Variants in APBB1 observed in about 807,000 individuals in gnomAD.
APBB1 encodes the protein adaptor protein FE65a2.
Under a neutral mutation model 78.4 loss-of-function variants are expected in APBB1, and 22 were observed. The ratio of observed to expected loss-of-function variants is 0.28; its 90% CI spans 0.20 to 0.40. The LOEUF is 0.40. APBB1 is among the 10% of genes least tolerant of loss of function. The pLI is 1.00. For synonymous variants in APBB1, 369 were observed against 372.7 expected (o/e 0.99, Z 0.12); for missense variants, 749 against 932.4 (o/e 0.80, Z 2.56).
intron 12 of APBB1, among the ~76,000 whole-genome samples, chr11:6,400,537 T>C (rs944153128): frequency 5.6e-4 from 34 of 60,384 alleles, no homozygotes; most frequent in African/African-American, 1.9e-3. Flanking sequence ...GCGAGACTTG[T>C]CTTTAAAAAA....
chr11:6,396,251 G>C, intron 12 of APBB1, 36 bp from the exon 13 acceptor site: 1 of 1,503,788 alleles, frequency 6.6e-7, no homozygotes, highest in Non-Finnish European at 9.0e-7. Flanking sequence ...ACTGAGGGTA[G>C]ACAGAGGATA....
chr11:6,410,727 G>A lies in APBB1; in HGVS notation c.621C>T (p.Ser207=), dbSNP rs1386761883. 1 of 1,561,474 alleles carries A rather than the reference G, an allele frequency of 6.4e-7. No individual in the cohort carries two copies. The highest frequency in any genetic ancestry group is 1.2e-5 in the South Asian group (1 of 81,576). ...DGPREHSKSA[S]LLFGMRNSAA... is the part of the protein sequence containing the mutation. ...CACTGTTCCGCATGCCAAACAGGAG[G>A]CTGGCACTCTTGCTGTGTTCCCGGG... The change falls in exon 2 of 15, where the codon AGC becomes AGT. Residue 207 remains serine (S), a synonymous_variant. Transcript: ENST00000609360.
At chr11:6,416,321 C>T (rs1849115824) in intron 1 of APBB1, among the ~76,000 whole-genome samples, 1 of 152,104 alleles carries the variant, frequency 6.6e-6, no homozygotes, top group Non-Finnish European at 1.5e-5. Context: ...ATTCTCATGC[C>T]CCTTCCTCTT....
chr11:6,400,704 A>G (rs769480277), intron 12 of APBB1, among the ~76,000 whole-genome samples: 12 of 152,104 alleles, frequency 7.9e-5, no homozygotes, highest in Non-Finnish European at 1.8e-4. Flanking sequence ...CAGCCTCCCA[A>G]TCCCACCAAA....
upstream of APBB1, chr11:6,419,370 T>C (rs1467308645): frequency 5.2e-6 from 1 of 191,902 alleles, no homozygotes; most frequent in Admixed American, 6.1e-5. Context: ...AGCGCCCTGG[T>C]CCCGCACCCA....
chr11:6,407,745 G>A (rs1424574522), intron 2 of APBB1, among the ~76,000 whole-genome samples: 1 of 151,850 alleles, frequency 6.6e-6, no homozygotes, highest in Non-Finnish European at 1.5e-5. Flanking sequence ...AAAAAGAGAG[G>A]CAATCAGACT....
chr11:6,407,502 G>T (rs905375033), intron 2 of APBB1, among the ~76,000 whole-genome samples: 1 of 152,238 alleles, frequency 6.6e-6, no homozygotes, highest in Non-Finnish European at 1.5e-5. Flanking sequence ...GCAAGCCTCA[G>T]ATAGATTGTG....
At position 6,411,184 on chromosome 11, in the gene APBB1, C is replaced by T; in HGVS notation, c.164G>A (p.Gly55Glu). 1.9e-6 allele frequency: 3 copies of T among 1,608,196 alleles called. No individual in the cohort carries two copies. Among genetic ancestry groups the T allele is most frequent in the South Asian group, 2.2e-5 (2 of 91,002 alleles). The change falls in exon 2 of 15, where the codon GGG becomes GAG. Residue 55 changes from glycine to glutamate, a missense_variant. Transcript: ENST00000609360. This position sits in a 1 kb window ranked among gnomAD's most constrained non-coding sequence, Gnocchi z 5.2. ...VGPKDLRSAM[G>E]EGGGPEPGPA... ...GCCTGGCTCAGGCCCACCACCCTCC[C>T]CCATGGCGCTGCGCAGGTCCTTGGG...
In APBB1 at chr11:6,401,856, A is replaced by G. The variant is rs746600326; in HGVS notation, c.1388+121T>C. The G allele has an allele frequency of 1.9e-5, 28 of 1,466,582 alleles. No individual in the cohort carries two copies. The South Asian group carries it at 2.7e-4, about 14-fold the overall frequency. 90.8% of individuals were successfully genotyped at this position (1,466,582 alleles called of 1,614,324 possible). A position where few individuals can be genotyped will look rare whatever the true frequency, so the allele number is the denominator to read the frequency against. ...GGGGGGGAGGGGTAGACAGGCAAGC[A>G]TGCTGAGGTGGAGGGTAATGGTGGA... On this transcript the variant is annotated intron_variant, in intron 9 of 14. Transcript: ENST00000609360. The surrounding 1 kb of genome is among the most constrained non-coding windows in gnomAD (Gnocchi z 4.5).
chr11:6,408,281 T>C (rs1848868867), intron 2 of APBB1, among the ~76,000 whole-genome samples: 1 of 151,906 alleles, frequency 6.6e-6, no homozygotes, highest in African/African-American at 2.4e-5. Flanking sequence ...AACATGATTC[T>C]CCAGTTAAAA....
In APBB1 at chr11:6,395,882, G is replaced by A. The variant is rs763458518; in HGVS notation, c.1869C>T (p.Phe623=). ...AGGAGGCTGGGCCGGCAGCCATGAT[G>A]AATGCAAACGTGTGGACATCTCTGC... ...AVGRDVHTFA[F]IMAAGPASFC... The change falls in exon 14 of 15, where the codon TTC becomes TTT. Residue 623 remains phenylalanine, a synonymous_variant. Coordinates refer to ENST00000609360, the MANE Select transcript of APBB1 (RefSeq NM_001164.5). The surrounding 1 kb of genome is among the most constrained non-coding windows in gnomAD (Gnocchi z 5.2). The A allele has an allele frequency of 9.3e-6, 15 of 1,614,108 alleles. No individual in the cohort carries two copies. The highest frequency in any genetic ancestry group is 1.3e-5 in the Non-Finnish European group (15 of 1,180,026).
At chr11:6,400,348 C>T (rs960480901) in intron 12 of APBB1, among the ~76,000 whole-genome samples, 4 of 152,066 alleles carry the variant, frequency 2.6e-5, no homozygotes, top group Non-Finnish European at 4.4e-5. Context: ...CAAGACCAGC[C>T]CTGGCCAACA....
intron 12 of APBB1, among the ~76,000 whole-genome samples, chr11:6,397,091 C>T (rs1279432819): frequency 6.6e-6 from 1 of 152,232 alleles, no homozygotes; most frequent in Non-Finnish European, 1.5e-5. Context: ...GGCAGGAGCA[C>T]ATGTTGTGGC....
Position 6,411,117 on chromosome 11 carries a change from G to A in APBB1, c.231C>T (p.Leu77=), listed in dbSNP as rs756623637. Reference sequence around the variant, plus strand: ...CACGGTGGGCCGTGGCGGCCCGCCGGAGCTGGTTCTGGCCCTCTTTTAGCC... The same window carrying A: ...CACGGTGGGCCGTGGCGGCCCGCCGAAGCTGGTTCTGGCCCTCTTTTAGCC... ...AKWLKEGQNQ[L]RRAATAHRDQ... is the part of the protein sequence containing the mutation. Residue 77 remains leucine (L), a synonymous_variant, in exon 2 of 15, where the codon CTC becomes CTT. Transcript: ENST00000609360. This position sits in a 1 kb window ranked among gnomAD's most constrained non-coding sequence, Gnocchi z 5.2. 5 of 1,612,180 alleles carry A rather than the reference G, an allele frequency of 3.1e-6. No individual in the cohort carries two copies. The highest frequency in any genetic ancestry group is 1.3e-5 in the African/African-American group (1 of 75,064).
Position 6,401,949 on chromosome 11 carries a change from T to A in APBB1, c.1388+28A>T. 6.4e-7 allele frequency: 1 copy of A among 1,554,598 alleles called. No individual in the cohort carries two copies. The highest frequency in any genetic ancestry group is 8.7e-7 in the Non-Finnish European group (1 of 1,152,726). ...GGTGCTTCCAGGCATCTGGTCCAGG[T>A]GTAGGAGGGGGAAAATAGGCATAGT... On this transcript the variant is annotated intron_variant, in intron 9 of 14. Transcript: ENST00000609360. The surrounding 1 kb of genome is among the most constrained non-coding windows in gnomAD (Gnocchi z 4.5).
At position 6,413,063 on chromosome 11, in the gene APBB1, G is replaced by T. The variant is rs112454138; in HGVS notation, c.-14-1702C>A. Among the ~76,000 whole-genome samples, 103 of 151,716 alleles carry T rather than the reference G, an allele frequency of 6.8e-4. 1 individual carries two copies. Among genetic ancestry groups the T allele is most frequent in the African/African-American group, 2.3e-3 (93 of 41,330 alleles). ...CTCTCCCTGACCTTCCAGTTGCTCT[G>T]CTGCTCTCCTTCCCGGACCCCCAAG... On this transcript the variant is annotated intron_variant, in intron 1 of 14. Coordinates refer to ENST00000609360, the MANE Select transcript of APBB1 (RefSeq NM_001164.5).
intron 2 of APBB1, among the ~76,000 whole-genome samples, chr11:6,406,974 G>C (rs965913527): frequency 6.6e-6 from 1 of 152,216 alleles, no homozygotes; most frequent in Non-Finnish European, 1.5e-5. Context: ...ATAAGGCCTG[G>C]AGCAGAGTAT....
In APBB1 at chr11:6,401,884, A is replaced by G; in HGVS notation, c.1388+93T>C. 1.3e-6 allele frequency: 2 copies of G among 1,519,292 alleles called. No individual in the cohort carries two copies. Among genetic ancestry groups the G allele is most frequent in the Non-Finnish European group, 1.8e-6 (2 of 1,122,396 alleles). 94.1% of individuals were successfully genotyped at this position (1,519,292 alleles called of 1,614,324 possible). On this transcript the variant is annotated intron_variant, in intron 9 of 14. Transcript: ENST00000609360. This position sits in a 1 kb window ranked among gnomAD's most constrained non-coding sequence, Gnocchi z 4.5. ...CTGAGGTGGAGGGTAATGGTGGAGC[A>G]TAGCGGGTGGGAAGGGGCAGGGCAG...
intron 2 of APBB1, among the ~76,000 whole-genome samples, chr11:6,408,059 G>A (rs925960422): frequency 3.9e-5 from 6 of 152,262 alleles, no homozygotes; most frequent in African/African-American, 4.8e-5. Context: ...GATTACAGGC[G>A]TGAGCCACCG....
Sources: gnomAD v4.1 joint callset for allele counts (sites outside exome capture counted in the v4.1 genomes callset) on GRCh38, gnomAD v4.1.1 for gene constraint, Gnocchi (gnomAD v3.1) non-coding constraint, MANE v1.5 for transcripts, NCBI Gene and HGNC (gene_info 2026-07-23, HGNC 2026-07-21) for gene names.